The following IGSF11 variants were observed in gnomAD, a reference collection of about 807,000 sequenced individuals.
IGSF11 encodes immunoglobulin superfamily member 11.
IGSF11 carries 22 observed loss-of-function variants against 41.0 expected under a neutral mutation model. The observed-to-expected ratio is 0.54, with a 90% CI of 0.38 to 0.77. The LOEUF (loss-of-function observed/expected upper bound fraction) is 0.77. Among genes scored for constraint, IGSF11 ranks in the 30% least tolerant of loss-of-function variants. The pLI, the probability that IGSF11 is intolerant of heterozygous loss-of-function variation, is 0.00. For synonymous variants in IGSF11, 219 were observed against 201.3 expected (o/e 1.09, Z -0.74); for missense variants, 444 against 530.8 (o/e 0.84, Z 1.61).
chr3:118,940,928 C>G (rs12493834), intron 1 of IGSF11, among the ~76,000 whole-genome samples: 4 of 146,904 alleles, frequency 2.7e-5, no homozygotes, highest in Admixed American at 2.7e-4. Flanking sequence ...AAAAAAAACA[C>G]CTCTACCCTT....
intron 1 of IGSF11, among the ~76,000 whole-genome samples, chr3:118,975,109 G>C (rs901648830): frequency 6.6e-6 from 1 of 152,086 alleles, no homozygotes; most frequent in Non-Finnish European, 1.5e-5. Context: ...AACATAATGA[G>C]ATACAGCAGC....
chr3:119,078,403 T>G (rs966150566), intron 1 of IGSF11, among the ~76,000 whole-genome samples: 1 of 151,936 alleles, frequency 6.6e-6, no homozygotes, highest in African/African-American at 2.4e-5. Context: ...AGAGAACCCA[T>G]AAATAAAGCC....
chr3:118,990,618 T>C (rs1935700687), intron 1 of IGSF11, among the ~76,000 whole-genome samples: 3 of 152,076 alleles, frequency 2.0e-5, no homozygotes, highest in African/African-American at 4.8e-5. Context: ...GGATAAAGAG[T>C]TATAGCCAAC....
intron 1 of IGSF11, among the ~76,000 whole-genome samples, chr3:118,956,969 T>G (rs1945005739): frequency 6.6e-6 from 1 of 150,508 alleles, no homozygotes; most frequent in Non-Finnish European, 1.5e-5. Flanking sequence ...GGGCAGGGGG[T>G]GGTTTATTAA....
intron 1 of IGSF11, among the ~76,000 whole-genome samples, chr3:119,092,355 T>C (rs2076777749): frequency 6.6e-6 from 1 of 152,168 alleles, no homozygotes; most frequent in Non-Finnish European, 1.5e-5. Context: ...TTTTGTTTTT[T>C]AGATGGAGTC....
intron 1 of IGSF11, among the ~76,000 whole-genome samples, chr3:118,968,678 A>G (rs1027547062): frequency 7.2e-5 from 11 of 152,254 alleles, no homozygotes; most frequent in Admixed American, 5.2e-4. Flanking sequence ...GCAAGTGTTA[A>G]CTAAAGATGT....
chr3:118,942,523 C>T (rs967588392), intron 1 of IGSF11, among the ~76,000 whole-genome samples: 1 of 152,146 alleles, frequency 6.6e-6, no homozygotes, highest in African/African-American at 2.4e-5. Flanking sequence ...ACTGAAGGGC[C>T]GAAGTCCAAG....
intron 1 of IGSF11, among the ~76,000 whole-genome samples, chr3:119,027,853 A>G (rs1446758861): frequency 1.3e-5 from 2 of 152,328 alleles, no homozygotes; most frequent in Middle Eastern, 3.4e-3. Flanking sequence ...GGCAATATAC[A>G]TAAGTGAACT....
At chr3:119,045,554 G>A (rs1350221720) in intron 1 of IGSF11, among the ~76,000 whole-genome samples, 1 of 152,198 alleles carries the variant, frequency 6.6e-6, no homozygotes, top group Non-Finnish European at 1.5e-5. Context: ...CAAGGCGGCA[G>A]TGAGGCTGGG....
Position 119,034,729 on chromosome 3 carries a change from G to A in IGSF11, c.-147C>T. 1 of 1,352,398 alleles carries A rather than the reference G, an allele frequency of 7.4e-7. No individual in the cohort carries two copies. The highest frequency in any genetic ancestry group is 3.5e-5 in the Admixed American group (1 of 28,782). The allele number at this position is 1,352,398 out of a possible 1,614,324, so 83.8% of individuals were successfully genotyped here. A position where few individuals can be genotyped will look rare whatever the true frequency, so the allele number is the denominator to read the frequency against. ...CTGTTCCCCGCGCAGAGCTGGGACTGTCAGACCCACAGACGAGCCAAGTGC... is the reference window on the plus strand; with the variant it reads ...CTGTTCCCCGCGCAGAGCTGGGACTATCAGACCCACAGACGAGCCAAGTGC... On this transcript the variant is annotated 5_prime_UTR_variant, in exon 1 of 7. Coordinates refer to ENST00000393775, the MANE Select transcript of IGSF11 (RefSeq NM_001015887.3).
At chr3:119,099,041 A>G (rs1354707111) in intron 1 of IGSF11, among the ~76,000 whole-genome samples, 2 of 152,222 alleles carry the variant, frequency 1.3e-5, no homozygotes, top group Non-Finnish European at 2.9e-5. Flanking sequence ...ATATGCCCCA[A>G]TTATAACAAA....
upstream of IGSF11, among the ~76,000 whole-genome samples, chr3:119,106,507 C>T (rs72953064): frequency 3.7e-4 from 57 of 152,246 alleles, no homozygotes; most frequent in African/African-American, 1.4e-3. Context: ...ACCTACAGTT[C>T]CATCCATGTT....
At chr3:119,140,190 A>C (rs1181956054) in intron 1 of IGSF11, among the ~76,000 whole-genome samples, 1 of 152,074 alleles carries the variant, frequency 6.6e-6, no homozygotes, top group Non-Finnish European at 1.5e-5. Flanking sequence ...CCCTCCCCCC[A>C]AAAAAACCAA....
chr3:119,143,984 T>C (rs997069783), intron 1 of IGSF11, among the ~76,000 whole-genome samples: 2 of 152,046 alleles, frequency 1.3e-5, no homozygotes, highest in Admixed American at 6.6e-5. Context: ...TCAAATTATA[T>C]GAAGCAAACA....
intron 1 of IGSF11, among the ~76,000 whole-genome samples, chr3:119,047,356 G>A (rs1941403281): frequency 6.6e-6 from 1 of 152,162 alleles, no homozygotes; most frequent in Non-Finnish European, 1.5e-5. Flanking sequence ...CCTACTCTCT[G>A]ATAAAACAGA....
At chr3:118,971,716 T>C (rs1185203783) in intron 1 of IGSF11, among the ~76,000 whole-genome samples, 2 of 151,624 alleles carry the variant, frequency 1.3e-5, no homozygotes, top group Non-Finnish European at 2.9e-5. Context: ...AGGCAGAGAA[T>C]TGCTTGACCC....
intron 1 of IGSF11, among the ~76,000 whole-genome samples, chr3:119,072,879 C>G (rs1327147876): frequency 6.6e-6 from 1 of 152,312 alleles, no homozygotes; most frequent in African/African-American, 2.4e-5. Flanking sequence ...TGGCCCCACC[C>G]ACATCCTGCT....
chr3:118,987,252 A>G (rs1204711217), intron 1 of IGSF11, among the ~76,000 whole-genome samples: 2 of 152,370 alleles, frequency 1.3e-5, no homozygotes, highest in South Asian at 2.1e-4. Flanking sequence ...GTGAGGCCAG[A>G]TAAGTGTGAG....
rs1938762381 is a variant in IGSF11, at chr3:118,900,824, ATAAG to A, written c.*1692_*1695del. ...TAAGAACCATCAAATGGAAAAAAAAATAAGTAATGCTAAAGTAAATTCAGCTTTT... is the reference window on the plus strand; with the variant it reads ...TAAGAACCATCAAATGGAAAAAAAAATAATGCTAAAGTAAATTCAGCTTTT... On this transcript the variant is annotated 3_prime_UTR_variant, in exon 7 of 7. Transcript: ENST00000393775. The A allele has an allele frequency of 6.6e-6, 1 of 152,616 alleles. No individual in the cohort carries two copies. Among genetic ancestry groups the A allele is most frequent in the Non-Finnish European group, 1.5e-5 (1 of 68,026 alleles). The allele number at this position is 152,616 out of a possible 1,614,324, so 9.5% of individuals were successfully genotyped here.
Sources: gnomAD v4.1 joint callset for allele counts (sites outside exome capture counted in the v4.1 genomes callset) on GRCh38, gnomAD v4.1.1 for gene constraint, MANE v1.5 for transcripts, NCBI Gene and HGNC (gene_info 2026-07-23, HGNC 2026-07-21) for gene names.